NAALADL2: variants seen among roughly 807,000 people sequenced by gnomAD.
The protein encoded by NAALADL2 is N-acetylated alpha-linked acidic dipeptidase like 2, also known as inactive N-acetylated-alpha-linked acidic dipeptidase-like protein 2.
NAALADL2 carries 76 observed loss-of-function variants against 87.2 expected under a neutral mutation model. The observed-to-expected ratio is 0.87, with a 90% CI of 0.72 to 1.05. The LOEUF is 1.05. Ranked by LOEUF, NAALADL2 falls within the 50% of genes least tolerant of loss-of-function variation. The probability of loss-of-function intolerance (pLI) is 0.00; values close to 1 mark genes in which losing one functional copy is unlikely to be tolerated. For missense variants in NAALADL2, 1,089 were observed against 945.8 expected (o/e 1.15, Z -1.99); for synonymous variants, 354 against 331.0 (o/e 1.07, Z -0.75).
chr3:175,740,035 A>G (rs577533789), intron 12 of NAALADL2, among the ~76,000 whole-genome samples: 7 of 152,204 alleles, frequency 4.6e-5, no homozygotes, highest in Non-Finnish European at 1.0e-4. Context: ...AGAGGACAGA[A>G]AAGGTCTAAG....
intron 5 of NAALADL2, among the ~76,000 whole-genome samples, chr3:175,387,184 G>A (rs1269533233): frequency 1.3e-5 from 2 of 152,098 alleles, no homozygotes; most frequent in South Asian, 2.1e-4. Context: ...GACATGACAA[G>A]AAATGTGTTA....
intron 1 of NAALADL2, among the ~76,000 whole-genome samples, chr3:174,959,079 T>C (rs569655838): frequency 4.3e-4 from 66 of 152,118 alleles, no homozygotes; most frequent in African/African-American, 1.5e-3. Context: ...GACATCTGCT[T>C]TGAGAGTAAC....
rs572327545 is a variant in NAALADL2, at chr3:175,194,429, T to C, written c.546-39502T>C. Among the ~76,000 whole-genome samples the C allele has an allele frequency of 3.2e-3, 491 of 151,992 alleles. 3 individuals are homozygous for C. The highest frequency in any genetic ancestry group is 0.011 in the African/African-American group (466 of 41,546). ...TAAGAACTAAATTCTGAAAATCCCT[T>C]AAGGGGCTTGACAGAAGTATTTAGC... is the stretch of plus-strand genomic sequence containing the variant. On this transcript the variant is annotated intron_variant, in intron 2 of 13. Transcript: ENST00000454872.
chr3:175,249,960 G>A (rs1357284306), intron 3 of NAALADL2, among the ~76,000 whole-genome samples: 1 of 151,868 alleles, frequency 6.6e-6, no homozygotes, highest in Admixed American at 6.6e-5. Context: ...ATCTGAGGTC[G>A]GGAGTTCGAG....
intron 1 of NAALADL2, among the ~76,000 whole-genome samples, chr3:174,527,947 C>G (rs1054499192): frequency 6.6e-6 from 1 of 152,096 alleles, no homozygotes; most frequent in African/African-American, 2.4e-5. Flanking sequence ...GGCTCAACAC[C>G]AGTTTTGGTT....
At chr3:175,789,370 A>G (rs955919) in intron 13 of NAALADL2, among the ~76,000 whole-genome samples, 4,794 of 152,270 alleles carry the variant, frequency 0.031, 217 homozygotes, top group African/African-American at 0.1. Flanking sequence ...CTCTGTGTTA[A>G]AAGTATCAAA....
chr3:175,173,392 C>T (rs1665383244), intron 2 of NAALADL2, among the ~76,000 whole-genome samples: 2 of 151,930 alleles, frequency 1.3e-5, no homozygotes, highest in South Asian at 2.1e-4. Flanking sequence ...GTCCCAGATA[C>T]TCAGGAGGCT....
intron 1 of NAALADL2, among the ~76,000 whole-genome samples, chr3:174,519,312 TGAA>T: frequency 3.3e-5 from 5 of 149,762 alleles, no homozygotes; most frequent in African/African-American, 1.3e-4. Flanking sequence ...AACAAGTGAA[TGAA>T]TGAAGATTTC....
chr3:175,360,536 T>C (rs1764870447), intron 5 of NAALADL2, among the ~76,000 whole-genome samples: 1 of 152,004 alleles, frequency 6.6e-6, no homozygotes, highest in Non-Finnish European at 1.5e-5. Flanking sequence ...TCCAGTAACT[T>C]CTCAGAAAGA....
intron 2 of NAALADL2, among the ~76,000 whole-genome samples, chr3:174,568,040 A>T (rs1414054950): frequency 6.6e-6 from 1 of 151,774 alleles, no homozygotes; most frequent in African/African-American, 2.4e-5. Flanking sequence ...CAGTAGAATT[A>T]TGATGTAGGT....
chr3:175,265,383 A>G (rs912706431), intron 4 of NAALADL2, among the ~76,000 whole-genome samples: 2 of 151,726 alleles, frequency 1.3e-5, no homozygotes, highest in African/African-American at 4.8e-5. Flanking sequence ...AGAAACAAAC[A>G]AATAAATAAA....
intron 1 of NAALADL2, among the ~76,000 whole-genome samples, chr3:174,953,569 A>G (rs1210145095): frequency 6.6e-6 from 1 of 151,994 alleles, no homozygotes; most frequent in Non-Finnish European, 1.5e-5. Context: ...ATGAAACAAT[A>G]ACAATAAATT....
chr3:174,672,201 C>A (rs914841993), intron 2 of NAALADL2, among the ~76,000 whole-genome samples: 1 of 151,992 alleles, frequency 6.6e-6, no homozygotes, highest in African/African-American at 2.4e-5. Flanking sequence ...CACATTGGGA[C>A]AATAGCTAAA....
At chr3:175,593,270 A>G (rs1721786756) in intron 10 of NAALADL2, among the ~76,000 whole-genome samples, 1 of 152,140 alleles carries the variant, frequency 6.6e-6, no homozygotes, top group African/African-American at 2.4e-5. Context: ...ATTTCCTTTT[A>G]ACACAAGTAT....
At position 175,698,439 on chromosome 3, in the gene NAALADL2, TTATG is replaced by T. The variant is rs1379709400; in HGVS notation, c.1897-38859_1897-38856del. ...TGTATACATATGTATGTGTATATAT[TTATG>T]TATGTATACATATATGTGTATATAT... On this transcript the variant is annotated intron_variant, in intron 11 of 13. Transcript: ENST00000454872. 1.1e-3 allele frequency among the ~76,000 whole-genome samples: 147 copies of T among 128,060 alleles called. 30 individuals carry two copies. The highest frequency in any genetic ancestry group is 2.0e-3 in the Non-Finnish European group (123 of 60,692). The allele number at this position is 128,060 out of a possible 152,430, so 84.0% of individuals were successfully genotyped here.
chr3:175,636,715 GA>G (rs892069170), intron 11 of NAALADL2, among the ~76,000 whole-genome samples: 3 of 136,388 alleles, frequency 2.2e-5, no homozygotes, highest in African/African-American at 5.4e-5. Context: ...AAAAAAAAAA[GA>G]AAAAAAAAGA....
chr3:175,670,897 G>T (rs1363680522), intron 11 of NAALADL2, among the ~76,000 whole-genome samples: 1 of 151,340 alleles, frequency 6.6e-6, no homozygotes, highest in Non-Finnish European at 1.5e-5. Flanking sequence ...GTCTACTGGA[G>T]AAGTTTAATT....
chr3:175,416,637 G>T (rs1714691231), intron 5 of NAALADL2, among the ~76,000 whole-genome samples: 1 of 152,172 alleles, frequency 6.6e-6, no homozygotes, highest in African/African-American at 2.4e-5. Context: ...TGCTGTAAAA[G>T]TAGGCTTCAT....
chr3:174,638,649 A>G (rs1374896947), intron 2 of NAALADL2, among the ~76,000 whole-genome samples: 1 of 152,078 alleles, frequency 6.6e-6, no homozygotes, highest in Non-Finnish European at 1.5e-5. Context: ...AATTAAGAAG[A>G]CTAAGATTTT....
Sources: gnomAD v4.1 joint callset for allele counts (sites outside exome capture counted in the v4.1 genomes callset) on GRCh38, gnomAD v4.1.1 for gene constraint, MANE v1.5 for transcripts, NCBI Gene and HGNC (gene_info 2026-07-23, HGNC 2026-07-21) for gene names.